MYH8: variants seen among roughly 807,000 people sequenced by gnomAD.
MYH8 encodes the protein myosin heavy chain 8, also known as myosin-8.
A neutral mutation model predicts 233.2 loss-of-function variants in MYH8; 168 were observed. That is an observed-to-expected ratio of 0.72 (90% CI 0.64 to 0.82). The LOEUF is 0.82. Ranked by LOEUF, MYH8 falls within the 40% of genes least tolerant of loss-of-function variation. MYH8 has a pLI of 0.00. For synonymous variants in MYH8, 785 were observed against 850.6 expected (o/e 0.92, Z 1.34); for missense variants, 1,995 against 2,327.8 (o/e 0.86, Z 2.94).
chr17:10,421,370 T>C (rs561352367), intron 2 of MYH8, among the ~76,000 whole-genome samples: 2 of 152,318 alleles, frequency 1.3e-5, no homozygotes, highest in African/African-American at 4.8e-5. Context: ...AGAAGAAGAC[T>C]GGCATGGACT....
chr17:10,401,221 G>T (rs758905117), intron 24 of MYH8, 30 bp from the exon 25 acceptor site: 1 of 1,612,984 alleles, frequency 6.2e-7, no homozygotes, highest in South Asian at 1.1e-5. Flanking sequence ...GGTAAAAATT[G>T]AAAGTATATA....
chr17:10,414,983 C>A, intron 9 of MYH8, 133 bp downstream of exon 9: 1 of 828,362 alleles, frequency 1.2e-6, no homozygotes, highest in Non-Finnish European at 2.1e-6. Flanking sequence ...GTAAGCCTAG[C>A]ATTAGCTTAC....
chr17:10,415,680 C>T lies in MYH8; in HGVS notation c.539+1G>A, dbSNP rs149198713. The T allele has an allele frequency of 7.3e-5, 118 of 1,613,934 alleles. No individual in the cohort carries two copies. The Middle Eastern group carries it at 8.3e-4, about 11-fold the overall frequency. On this transcript the variant is annotated splice_donor_variant, in intron 6 of 39. Coordinates refer to ENST00000403437, the MANE Select transcript of MYH8 (RefSeq NM_002472.3). LOFTEE classifies it high-confidence loss of function. The surrounding 1 kb of genome is among the most constrained non-coding windows in gnomAD (Gnocchi z 4.1). ...ATCAGAGAAGAAAAAAAATCACATA[C>T]GTGATCAGGATGGACTGATTCTCTC...
In MYH8 at chr17:10,400,749, C is replaced by G. The variant is rs748982401; in HGVS notation, c.3376G>C (p.Glu1126Gln). 7.7e-5 allele frequency: 125 copies of G among 1,614,050 alleles called. No individual in the cohort carries two copies. The highest frequency in any genetic ancestry group is 9.2e-5 in the Non-Finnish European group (108 of 1,180,058). ...TTGGCTCGGGACGCCCTCTCTGCCT[C>G]GATTTCTTCCCCCAGCTCCTCAATG... ...ARIEELGEEI[E>Q]AERASRAKAE... The change falls in exon 27 of 40, where the codon GAG (glutamate) becomes CAG (glutamine). Residue 1126 changes from glutamate to glutamine, a missense_variant. Transcript: ENST00000403437. The surrounding 1 kb of genome is among the most constrained non-coding windows in gnomAD (Gnocchi z 4.0).
chr17:10,393,871 CTGCATGGAACATT>C, intron 35 of MYH8, among the ~76,000 whole-genome samples: 1 of 151,938 alleles, frequency 6.6e-6, no homozygotes, highest in African/African-American at 2.4e-5. Context: ...ATGAGAAACA[CTGCATGGAACATT>C]TTCAGATTTT....
Position 10,399,586 on chromosome 17 carries a change from G to C in MYH8, c.3819C>G (p.Ile1273Met). Residue 1273 changes from isoleucine to methionine, a missense_variant, in exon 28 of 40, where the codon ATC (isoleucine) becomes ATG (methionine). Around this residue, in one of 3 missense-constraint regions of MYH8, gnomAD observed 1,498 missense variants for 1,680.9 expected, o/e 0.89. Coordinates refer to ENST00000403437, the MANE Select transcript of MYH8 (RefSeq NM_002472.3). ...GCGCTCTCTGTGCTGTGAGGTCATT[G>C]ATCAGCCGCTGCTGCTCCTCTTCCT... is the stretch of plus-strand genomic sequence containing the variant. ...KTKEEEQQRL[I>M]NDLTAQRARL... 6.2e-7 allele frequency: 1 copy of C among 1,614,020 alleles called. No homozygotes were observed. The highest frequency in any genetic ancestry group is 8.5e-7 in the Non-Finnish European group (1 of 1,180,030).
intron 34 of MYH8, among the ~76,000 whole-genome samples, 200 bp from the exon 35 acceptor site, chr17:10,394,652 C>CCA (rs1301991439): frequency 6.6e-6 from 1 of 152,138 alleles, no homozygotes; most frequent in Admixed American, 6.5e-5. Context: ...TCTATTTCTA[C>CCA]CATTAACTGG....
rs1354964669 is a variant in MYH8 at position 10,404,456 on chromosome 17, G to C, written c.2562C>G (p.Thr854=). Reference sequence around the variant, plus strand: ...TGGTTTTCTGGAATTCTTCCTTCATGGTGGCCATCTCTTTCTCGGTCTCTG... The same window carrying C: ...TGGTTTTCTGGAATTCTTCCTTCATCGTGGCCATCTCTTTCTCGGTCTCTG... ...KSAETEKEMA[T]MKEEFQKTKD... The change falls in exon 22 of 40, where the codon ACC becomes ACG. Residue 854 remains threonine, a synonymous_variant. Coordinates refer to ENST00000403437, the MANE Select transcript of MYH8 (RefSeq NM_002472.3). 1 of 1,613,772 alleles carries C rather than the reference G, an allele frequency of 6.2e-7. No homozygotes were observed. The highest frequency in any genetic ancestry group is 2.2e-5 in the East Asian group (1 of 44,860).
At chr17:10,402,559 G>A (rs778351671) in intron 22 of MYH8, among the ~76,000 whole-genome samples, 3 of 151,702 alleles carry the variant, frequency 2.0e-5, no homozygotes, top group African/African-American at 2.4e-5. Context: ...CTAAATCCTC[G>A]TATTTTTAAC....
In MYH8 at chr17:10,396,452, C is replaced by A; in HGVS notation, c.4531G>T (p.Glu1511Ter). 6.2e-7 allele frequency: 1 copy of A among 1,614,082 alleles called. No homozygotes were observed. The highest frequency in any genetic ancestry group is 8.5e-7 in the Non-Finnish European group (1 of 1,180,028). The change falls in exon 33 of 40, where the codon GAG (glutamate) becomes TAG (stop). Residue 1511 changes from glutamate to a stop codon, truncating the protein, a stop_gained and splice_region_variant. Transcript: ENST00000403437. LOFTEE classifies it high-confidence loss of function. The surrounding 1 kb of genome is among the most constrained non-coding windows in gnomAD (Gnocchi z 4.2). ...ATCTGCTCAGTGAGGTCAGAAATCT[C>A]CTCTGTGGTTGAACAGACAGGAGAG... is the stretch of plus-strand genomic sequence containing the variant. The part of the protein sequence containing the change: ...LRRENKNLQQ[E>*]ISDLTEQIAE...
chr17:10,407,678 A>G (rs1328391515), intron 17 of MYH8, among the ~76,000 whole-genome samples: 8 of 151,914 alleles, frequency 5.3e-5, no homozygotes, highest in African/African-American at 1.9e-4. Context: ...ATCTCTACTA[A>G]AAATACAAAA....
At chr17:10,408,343 TAAAAC>T (rs1205274296) in intron 17 of MYH8, among the ~76,000 whole-genome samples, 6 of 152,148 alleles carry the variant, frequency 3.9e-5, no homozygotes, top group Non-Finnish European at 8.8e-5. Context: ...AACAAGTTGA[TAAAAC>T]AAAAGTCTAT....
In MYH8 at chr17:10,399,374, G is replaced by T. The variant is rs559705345; in HGVS notation, c.3862+169C>A. The stretch of plus-strand genomic sequence containing the variant: ...AAAGCAGCATTGCCATAGAAGTGTT[G>T]TAAGTAAACTTGTCTGCTCAGTCTT... On this transcript the variant is annotated intron_variant, in intron 28 of 39. Transcript: ENST00000403437. Among the ~76,000 whole-genome samples the T allele has an allele frequency of 1.3e-3, 192 of 152,248 alleles. 1 individual carries two copies. In the Middle Eastern group the frequency reaches 0.027, roughly 22 times the overall value.
chr17:10,411,332 C>T (rs540215322), intron 14 of MYH8, among the ~76,000 whole-genome samples: 8 of 150,860 alleles, frequency 5.3e-5, no homozygotes, highest in Non-Finnish European at 5.9e-5. Flanking sequence ...GCTGAGATCG[C>T]GCCACTGCAC....
intron 2 of MYH8, among the ~76,000 whole-genome samples, chr17:10,420,598 C>T (rs1165494163): frequency 6.6e-6 from 1 of 152,174 alleles, no homozygotes; most frequent in Non-Finnish European, 1.5e-5. Flanking sequence ...CCTCTTTCTG[C>T]ATAATGTTTG....
rs2072265508 is a variant in MYH8 at position 10,413,822 on chromosome 17, A to C, written c.1147+80T>G. ...CTTCACAAGTCGCAAGTCCAGCCAC[A>C]AAGGAGATGTGAGTGTAAAATAGGA... On this transcript the variant is annotated intron_variant, in intron 12 of 39. Transcript: ENST00000403437. 1.9e-5 allele frequency: 31 copies of C among 1,606,792 alleles called. No homozygotes were observed. In the South Asian group the frequency reaches 3.3e-4, roughly 17 times the overall value.
chr17:10,421,092 A>C (rs927575515), intron 2 of MYH8, among the ~76,000 whole-genome samples: 1 of 152,322 alleles, frequency 6.6e-6, no homozygotes, highest in Non-Finnish European at 1.5e-5. Flanking sequence ...CAATGTGGAC[A>C]TGTTAGATTG....
chr17:10,401,492 A>G (rs771131544), intron 23 of MYH8, 41 bp from the exon 24 acceptor site: 1 of 1,614,142 alleles, frequency 6.2e-7, no homozygotes, highest in East Asian at 2.2e-5. Context: ...CTATAAAGCA[A>G]TTTAGTTGGT....
At chr17:10,413,710 G>T (rs949033020) in intron 12 of MYH8, among the ~76,000 whole-genome samples, 192 bp downstream of exon 12, 7 of 152,114 alleles carry the variant, frequency 4.6e-5, no homozygotes, top group African/African-American at 9.7e-5. Flanking sequence ...TGACTTATTT[G>T]GGCTGGATGG....
Sources: gnomAD v4.1 joint callset for allele counts (sites outside exome capture counted in the v4.1 genomes callset) on GRCh38, gnomAD v4.1.1 for gene constraint, gnomAD v4.1.1 regional missense constraint, Gnocchi (gnomAD v3.1) non-coding constraint, MANE v1.5 for transcripts, NCBI Gene and HGNC (gene_info 2026-07-23, HGNC 2026-07-21) for gene names.